FNDC3B: variants seen among roughly 807,000 people sequenced by gnomAD.
FNDC3B encodes the protein fibronectin type III domain containing 3B.
A neutral mutation model predicts 151.5 loss-of-function variants in FNDC3B; 12 were observed. That is an observed-to-expected ratio of 0.08 (90% CI 0.05 to 0.13). The LOEUF is 0.13. Among genes scored for constraint, FNDC3B ranks in the 10% least tolerant of loss-of-function variants. FNDC3B has a pLI of 1.00. For missense variants in FNDC3B, 1,214 were observed against 1,505.3 expected, an observed-to-expected ratio of 0.81 and a Z score of 3.20; for synonymous variants, 528 against 549.0, an observed-to-expected ratio of 0.96 and a Z score of 0.54.
chr3:172,333,099 T>C lies in FNDC3B; in HGVS notation c.1565T>C (p.Phe522Ser). The change falls in exon 14 of 26, where the codon TTC (phenylalanine) becomes TCC (serine). Residue 522 changes from phenylalanine (F) to serine (S), a missense_variant. By Grantham distance (155) the Phe-to-Ser change is radical (BLOSUM62 -2). Coordinates refer to ENST00000415807, the MANE Select transcript of FNDC3B (RefSeq NM_022763.4). ...GCTTTGCCTTTTCAGGATAACCTTT[T>C]CCACCCAAAATACACTGGAGAGGAT... is the stretch of plus-strand genomic sequence containing the variant. ...EIQEDENDNL[F>S]HPKYTGEDLT... The C allele has an allele frequency of 6.2e-7, 1 of 1,611,716 alleles. No homozygotes were observed. The highest frequency in any genetic ancestry group is 1.1e-5 in the South Asian group (1 of 91,052).
At chr3:172,098,921 C>T (rs1348792951) in intron 1 of FNDC3B, among the ~76,000 whole-genome samples, 2 of 152,094 alleles carry the variant, frequency 1.3e-5, no homozygotes, top group Admixed American at 6.5e-5. Context: ...GTGGAGTCCT[C>T]GGTTGAATGG....
At chr3:172,244,762 C>T (rs1435635296) in intron 4 of FNDC3B, among the ~76,000 whole-genome samples, 1 of 151,400 alleles carries the variant, frequency 6.6e-6, no homozygotes, top group African/African-American at 2.4e-5. Flanking sequence ...GTAGCTGGGA[C>T]TACAGGTCCA....
intron 23 of FNDC3B, among the ~76,000 whole-genome samples, chr3:172,367,511 C>A (rs985720683): frequency 6.6e-6 from 1 of 152,194 alleles, no homozygotes; most frequent in Non-Finnish European, 1.5e-5. Flanking sequence ...CCGTGTTATA[C>A]AAGAAAAATA....
intron 1 of FNDC3B, among the ~76,000 whole-genome samples, chr3:172,089,662 T>A (rs989240785): frequency 1.3e-5 from 2 of 152,176 alleles, no homozygotes; most frequent in Non-Finnish European, 2.9e-5. Context: ...GACAGAAGAC[T>A]CTTGGAACAT....
At chr3:172,217,904 A>G (rs957669119) in intron 3 of FNDC3B, among the ~76,000 whole-genome samples, 7 of 152,172 alleles carry the variant, frequency 4.6e-5, no homozygotes, top group African/African-American at 1.4e-4. Flanking sequence ...TGGCCTTGTG[A>G]TTTGAAATGG....
In FNDC3B at chr3:172,347,200, C is replaced by A; in HGVS notation, c.2365-12C>A. 1 of 1,604,970 alleles carries A rather than the reference C, an allele frequency of 6.2e-7. No homozygotes were observed. The highest frequency in any genetic ancestry group is 8.5e-7 in the Non-Finnish European group (1 of 1,175,142). On this transcript the variant is annotated splice_polypyrimidine_tract_variant and intron_variant, in intron 20 of 25. Transcript: ENST00000415807. ...GTGGCATTATTAACTACTTCCATTT[C>A]TGCCTTTCCAGAGTCCTGATAGTTC...
At chr3:172,109,553 G>A (rs934148087) in intron 1 of FNDC3B, among the ~76,000 whole-genome samples, 1 of 152,226 alleles carries the variant, frequency 6.6e-6, no homozygotes, top group Non-Finnish European at 1.5e-5. Context: ...GCTCACAGTG[G>A]CCTTTATTCA....
At chr3:172,182,209 T>G (rs916591773) in intron 3 of FNDC3B, among the ~76,000 whole-genome samples, 2 of 152,192 alleles carry the variant, frequency 1.3e-5, no homozygotes, top group African/African-American at 4.8e-5. Flanking sequence ...AAGTGAAGGC[T>G]GGGCTCAGTG....
intron 3 of FNDC3B, among the ~76,000 whole-genome samples, chr3:172,226,036 G>T (rs532695381): frequency 5.9e-5 from 9 of 152,114 alleles, no homozygotes; most frequent in African/African-American, 2.2e-4. Flanking sequence ...GACCTGGCAC[G>T]GTGGCTCACA....
chr3:172,319,631 G>C (rs1014769536), intron 11 of FNDC3B, among the ~76,000 whole-genome samples: 3 of 152,292 alleles, frequency 2.0e-5, no homozygotes, highest in South Asian at 2.1e-4. Context: ...GTCCCTGGGG[G>C]AAGAGTGGGG....
intron 3 of FNDC3B, among the ~76,000 whole-genome samples, chr3:172,217,482 A>AT (rs1352419510): frequency 6.6e-6 from 1 of 152,224 alleles, no homozygotes; most frequent in East Asian, 1.9e-4. Context: ...TAATGAAACA[A>AT]TTGCTGCTGC....
At chr3:172,164,002 T>C (rs1722898803) in intron 3 of FNDC3B, among the ~76,000 whole-genome samples, 1 of 152,236 alleles carries the variant, frequency 6.6e-6, no homozygotes, top group Admixed American at 6.5e-5. Flanking sequence ...GTTTTATTAT[T>C]ACTTTTACCT....
chr3:172,310,404 C>T (rs6788315), intron 10 of FNDC3B, among the ~76,000 whole-genome samples: 7,755 of 152,162 alleles, frequency 0.051, 723 homozygotes, highest in African/African-American at 0.18. Context: ...AATTAAAAAG[C>T]TGTATGTGGG....
At chr3:172,258,157 C>T (rs973038393) in intron 6 of FNDC3B, among the ~76,000 whole-genome samples, 11 of 152,192 alleles carry the variant, frequency 7.2e-5, no homozygotes, top group Admixed American at 1.3e-4. Flanking sequence ...ATTCCAAATA[C>T]GGAAGAAAAT....
At chr3:172,067,444 C>T (rs553109421) in intron 1 of FNDC3B, among the ~76,000 whole-genome samples, 2 of 152,268 alleles carry the variant, frequency 1.3e-5, no homozygotes, top group African/African-American at 4.8e-5. Flanking sequence ...GAGTCGGACT[C>T]TGCTTTTTTT....
chr3:172,103,875 T>C (rs1343348917), intron 1 of FNDC3B, among the ~76,000 whole-genome samples: 1 of 152,220 alleles, frequency 6.6e-6, no homozygotes. Flanking sequence ...ACCAAGCAGC[T>C]GGGCACATAC....
chr3:172,273,577 C>T (rs1021193509), intron 6 of FNDC3B, among the ~76,000 whole-genome samples: 3 of 152,174 alleles, frequency 2.0e-5, no homozygotes, highest in Admixed American at 2.0e-4. Flanking sequence ...GTGTTTTCTC[C>T]ACAAAGGAAG....
intron 15 of FNDC3B, among the ~76,000 whole-genome samples, chr3:172,337,088 A>C (rs1733017488): frequency 6.6e-6 from 1 of 152,144 alleles, no homozygotes; most frequent in Admixed American, 6.5e-5. Context: ...ATTTCACTAC[A>C]TGAATGCTCT....
At chr3:172,229,663 C>T (rs1310180204) in intron 4 of FNDC3B, among the ~76,000 whole-genome samples, 1 of 152,128 alleles carries the variant, frequency 6.6e-6, no homozygotes, top group Non-Finnish European at 1.5e-5. Context: ...TGTATCTCAG[C>T]ATCTAGAATA....
Sources: allele counts gnomAD v4.1 joint callset (sites outside exome capture counted in the v4.1 genomes callset), GRCh38; gene constraint gnomAD v4.1.1; transcripts MANE v1.5; gene names NCBI Gene and HGNC (gene_info 2026-07-23, HGNC 2026-07-21).